APBA1: variants seen among roughly 807,000 people sequenced by gnomAD.
The protein encoded by APBA1 is amyloid-beta A4 precursor protein-binding family A member 1.
A neutral mutation model predicts 86.6 loss-of-function variants in APBA1; 55 were observed. The observed-to-expected ratio is 0.64, with a 90% CI of 0.51 to 0.80. APBA1 has a LOEUF of 0.80. Ranked by LOEUF, APBA1 falls within the 30% of genes least tolerant of loss-of-function variation. The probability of loss-of-function intolerance (pLI) is 0.00; values close to 1 mark genes in which losing one functional copy is unlikely to be tolerated. For synonymous variants in APBA1, 511 were observed against 493.9 expected, an observed-to-expected ratio of 1.03 and a Z score of -0.46; for missense variants, 1,090 against 1,183.0, an observed-to-expected ratio of 0.92 and a Z score of 1.15.
At chr9:69,543,057 T>C (rs1836640036) in intron 1 of APBA1, among the ~76,000 whole-genome samples, 1 of 152,244 alleles carries the variant, frequency 6.6e-6, no homozygotes, top group Admixed American at 6.5e-5. Flanking sequence ...AAACTCCATT[T>C]ACTGTGCCAT....
At chr9:69,657,149 C>T (rs1279722043) in intron 1 of APBA1, among the ~76,000 whole-genome samples, 1 of 152,140 alleles carries the variant, frequency 6.6e-6, no homozygotes, top group South Asian at 2.1e-4. Context: ...CCGGCCTAAC[C>T]GGGAGATCTA....
intron 1 of APBA1, among the ~76,000 whole-genome samples, chr9:69,588,568 A>T (rs180760391): frequency 1.4e-3 from 220 of 152,316 alleles, no homozygotes; most frequent in African/African-American, 4.2e-3. Flanking sequence ...TGGAGAGGAA[A>T]ATAATCAGCA....
intron 1 of APBA1, among the ~76,000 whole-genome samples, chr9:69,595,196 T>C (rs906673556): frequency 1.9e-4 from 29 of 152,196 alleles, no homozygotes; most frequent in Admixed American, 1.4e-3. Flanking sequence ...GTAATATCTG[T>C]AATATTGCTG....
intron 1 of APBA1, among the ~76,000 whole-genome samples, chr9:69,534,514 C>T (rs995280988): frequency 5.9e-5 from 9 of 152,044 alleles, no homozygotes; most frequent in African/African-American, 9.7e-5. Context: ...CTGAATCAAC[C>T]ACTTGGAGGA....
rs771189257 is a variant in APBA1 at position 69,441,098 on chromosome 9, G to A, written c.2199C>T (p.Ser733=). 1 of 1,613,880 alleles carries A rather than the reference G, an allele frequency of 6.2e-7. No homozygotes were observed. Among genetic ancestry groups the A allele is most frequent in the African/African-American group, 1.3e-5 (1 of 74,904 alleles). The change falls in exon 11 of 13, where the codon TCC becomes TCT. Residue 733 remains serine (S), a synonymous_variant. Coordinates refer to ENST00000265381, the MANE Select transcript of APBA1 (RefSeq NM_001163.4). ...QSIIKGLKNQ[S]RVKLNIVRCP... is the part of the protein sequence containing the mutation. ...ATCTCACGATATTCAGCTTGACTCG[G>A]GACTGATTCTTTAAGCCCTTAAACA...
At chr9:69,545,603 A>G (rs890340215) in intron 1 of APBA1, among the ~76,000 whole-genome samples, 8 of 152,312 alleles carry the variant, frequency 5.3e-5, no homozygotes, top group African/African-American at 1.9e-4. Flanking sequence ...TATTTATCAC[A>G]TGTTCAATCT....
intron 2 of APBA1, among the ~76,000 whole-genome samples, chr9:69,501,294 C>T (rs1344255217): frequency 2.0e-5 from 3 of 152,068 alleles, no homozygotes; most frequent in Non-Finnish European, 4.4e-5. Flanking sequence ...CATTTTTGGA[C>T]TCAGAACATG....
chr9:69,637,523 A>C (rs1402569098), intron 1 of APBA1, among the ~76,000 whole-genome samples: 1 of 152,202 alleles, frequency 6.6e-6, no homozygotes, highest in Non-Finnish European at 1.5e-5. Flanking sequence ...AAAAATTGAA[A>C]ATTAAAAATT....
At chr9:69,453,799 T>TTA (rs1482862312) in intron 8 of APBA1, among the ~76,000 whole-genome samples, 1 of 152,218 alleles carries the variant, frequency 6.6e-6, no homozygotes, top group African/African-American at 2.4e-5. Flanking sequence ...CTAGACAAAT[T>TTA]CTATAAACGG....
At chr9:69,625,559 A>C (rs1046593495) in intron 1 of APBA1, among the ~76,000 whole-genome samples, 1 of 152,126 alleles carries the variant, frequency 6.6e-6, no homozygotes, top group African/African-American at 2.4e-5. Context: ...AGGTTGCCTG[A>C]TTAATGTTCA....
At chr9:69,648,572 T>G (rs1266605124) in intron 1 of APBA1, among the ~76,000 whole-genome samples, 1 of 152,116 alleles carries the variant, frequency 6.6e-6, no homozygotes, top group Non-Finnish European at 1.5e-5. Flanking sequence ...TTTTTAAAGG[T>G]TTCCAATTTA....
At chr9:69,601,337 C>G (rs1056218431) in intron 1 of APBA1, among the ~76,000 whole-genome samples, 41 of 152,218 alleles carry the variant, frequency 2.7e-4, no homozygotes, top group African/African-American at 9.6e-4. Context: ...AATTTCATAT[C>G]TATCATTTGA....
intron 1 of APBA1, among the ~76,000 whole-genome samples, chr9:69,590,060 T>C (rs1822100027): frequency 6.6e-6 from 1 of 152,104 alleles, no homozygotes; most frequent in Non-Finnish European, 1.5e-5. Flanking sequence ...AAGCCTCAGC[T>C]CCAATGACAC....
intron 2 of APBA1, among the ~76,000 whole-genome samples, chr9:69,497,671 GCT>G (rs1178257442): frequency 6.6e-6 from 1 of 152,134 alleles, no homozygotes; most frequent in African/African-American, 2.4e-5. Context: ...CCATGGACCT[GCT>G]CTTTCTTCAG....
intron 1 of APBA1, among the ~76,000 whole-genome samples, chr9:69,636,622 C>A (rs1369968740): frequency 2.0e-5 from 3 of 151,612 alleles, no homozygotes; most frequent in African/African-American, 7.3e-5. Flanking sequence ...ACAGTGAAAC[C>A]CCATCTCTAC....
At chr9:69,599,491 TCA>T (rs1480740732) in intron 1 of APBA1, among the ~76,000 whole-genome samples, 1 of 152,172 alleles carries the variant, frequency 6.6e-6, no homozygotes, top group Non-Finnish European at 1.5e-5. Flanking sequence ...TAAAACACTC[TCA>T]CATACTCCCT....
intron 5 of APBA1, chr9:69,465,010 G>A (rs1835253166): frequency 6.6e-6 from 1 of 152,270 alleles, no homozygotes; most frequent in South Asian, 2.1e-4. Context: ...GAAGTCTTCA[G>A]TACTCCTTTG....
intron 3 of APBA1, chr9:69,472,547 G>T (rs1387810373): frequency 6.6e-6 from 1 of 152,250 alleles, no homozygotes; most frequent in Non-Finnish European, 1.5e-5. Context: ...TCACAGGAGA[G>T]TGGAGAGCTA....
intron 2 of APBA1, among the ~76,000 whole-genome samples, chr9:69,502,683 G>A (rs1371396033): frequency 6.6e-6 from 1 of 151,850 alleles, no homozygotes; most frequent in East Asian, 1.9e-4. Context: ...AATGCACCCT[G>A]GTAAAAGAAG....
Sources: allele counts gnomAD v4.1 joint callset (sites outside exome capture counted in the v4.1 genomes callset), GRCh38; gene constraint gnomAD v4.1.1; transcripts MANE v1.5; gene names NCBI Gene and HGNC (gene_info 2026-07-23, HGNC 2026-07-21).